Variants in MYO9A observed in about 807,000 individuals in gnomAD.
The protein encoded by MYO9A is myosin IXA.
MYO9A carries 103 observed loss-of-function variants against 293.3 expected under a neutral mutation model. The observed-to-expected ratio is 0.35, with a 90% CI of 0.30 to 0.41. MYO9A has a LOEUF of 0.41. Ranked by LOEUF, MYO9A falls within the 10% of genes least tolerant of loss-of-function variation. The pLI is 1.00. For synonymous variants in MYO9A, 1,001 were observed against 1,035.7 expected (o/e 0.97, Z 0.64); for missense variants, 2,685 against 3,033.0 (o/e 0.89, Z 2.69).
intron 11 of MYO9A, among the ~76,000 whole-genome samples, chr15:71,990,028 T>TA (rs2076499181): frequency 6.6e-6 from 1 of 150,636 alleles, no homozygotes; most frequent in African/African-American, 2.4e-5. Flanking sequence ...GACCCATCTC[T>TA]AAAAAAACAC....
chr15:71,827,739 T>C lies in MYO9A; in HGVS notation c.7183+145A>G, dbSNP rs1475072141. ...CCAAACGATGAAGGCTAAAATTATA[T>C]GGATAAAAGGACAAAATTCCTCAAG... On this transcript the variant is annotated intron_variant, in intron 41 of 41. Coordinates refer to ENST00000356056, the MANE Select transcript of MYO9A (RefSeq NM_006901.4). 5.7e-6 allele frequency: 5 copies of C among 879,602 alleles called. No homozygotes were observed. The East Asian group carries it at 8.0e-5, about 14-fold the overall frequency. The allele number at this position is 879,602 out of a possible 1,614,324, so 54.5% of individuals were successfully genotyped here.
intron 29 of MYO9A, 103 bp downstream of exon 29, chr15:71,880,232 T>C (rs929603751): frequency 3.1e-6 from 3 of 982,308 alleles, no homozygotes; most frequent in Non-Finnish European, 4.6e-6. Flanking sequence ...ATCTAAAGCA[T>C]GGAAGCATAT....
At position 71,991,112 on chromosome 15, in the gene MYO9A, T is replaced by C; in HGVS notation, c.1713A>G (p.Lys571=). 6.2e-7 allele frequency: 1 copy of C among 1,600,498 alleles called. No individual in the cohort carries two copies. The highest frequency in any genetic ancestry group is 8.5e-7 in the Non-Finnish European group (1 of 1,174,520). ...LQHYFNQHIF[K]LEQEEYRTEG... ...ATATTTAGGTACTCACTTGTTCCAA[T>C]TTAAAGATATGCTGATTAAAGTAGT... The change falls in exon 11 of 42, where the codon AAA becomes AAG. Residue 571 remains lysine (K), a synonymous_variant. Coordinates refer to ENST00000356056, the MANE Select transcript of MYO9A (RefSeq NM_006901.4).
intron 32 of MYO9A, among the ~76,000 whole-genome samples, chr15:71,862,880 A>ACAT (rs952037603): frequency 1.3e-5 from 2 of 151,980 alleles, no homozygotes; most frequent in Non-Finnish European, 2.9e-5. Context: ...CTCTAATGTT[A>ACAT]CATTAAAAGC....
At chr15:71,862,682 C>T (rs1314317226) in intron 32 of MYO9A, 71 bp from the exon 33 acceptor site, 12 of 959,560 alleles carry the variant, frequency 1.3e-5, no homozygotes, top group Non-Finnish European at 2.0e-5. Flanking sequence ...GGTGGGAAAT[C>T]CTTCAATCTC....
chr15:71,923,153 T>G (rs538191325), intron 18 of MYO9A, among the ~76,000 whole-genome samples: 1 of 152,234 alleles, frequency 6.6e-6, no homozygotes, highest in East Asian at 1.9e-4. Context: ...ATTTTTTCCC[T>G]TAATTCTGTT....
intron 15 of MYO9A, 31 bp from the exon 16 acceptor site, chr15:71,938,958 A>T: frequency 6.6e-7 from 1 of 1,519,238 alleles, no homozygotes; most frequent in Non-Finnish European, 9.0e-7. Flanking sequence ...GAAAATTTCA[A>T]ATCAGTGCAA....
At chr15:72,095,572 G>A (rs2080038360) in intron 1 of MYO9A, among the ~76,000 whole-genome samples, 1 of 93,156 alleles carries the variant, frequency 1.1e-5, no homozygotes, top group African/African-American at 2.6e-5. Context: ...AATTGATGAA[G>A]GTGGCTACAC....
chr15:72,117,956 G>A lies in MYO9A; in HGVS notation c.-348C>T, dbSNP rs1029337960. The A allele has an allele frequency of 1.4e-4, 57 of 400,972 alleles. No homozygotes were observed. Among genetic ancestry groups the A allele is most frequent in the African/African-American group, 1.0e-3 (49 of 48,748 alleles). The allele number at this position is 400,972 out of a possible 1,614,324, so 24.8% of individuals were successfully genotyped here. ...GCGTTGGACCGCCGCCTCAACCGCT[G>A]CCAGCGGCCGCCTCTGCCGGTGCAA... is the stretch of plus-strand genomic sequence containing the variant. On this transcript the variant is annotated 5_prime_UTR_variant, in exon 1 of 42. Transcript: ENST00000356056.
chr15:71,972,856 G>A (rs1007009914), intron 12 of MYO9A, among the ~76,000 whole-genome samples: 3 of 152,072 alleles, frequency 2.0e-5, no homozygotes, highest in Non-Finnish European at 2.9e-5. Context: ...GGTTATTAAA[G>A]GTAAAAGTTA....
chr15:72,003,715 A>T (rs1363013190), intron 8 of MYO9A, among the ~76,000 whole-genome samples: 2 of 151,954 alleles, frequency 1.3e-5, no homozygotes, highest in Non-Finnish European at 2.9e-5. Context: ...AAAAAAAAAA[A>T]AAAAAATAAG....
At chr15:71,906,416 C>G (rs1382170833) in intron 19 of MYO9A, among the ~76,000 whole-genome samples, 1 of 152,108 alleles carries the variant, frequency 6.6e-6, no homozygotes, top group Non-Finnish European at 1.5e-5. Flanking sequence ...CTGAAGTTTC[C>G]AAGCATAACT....
intron 1 of MYO9A, among the ~76,000 whole-genome samples, chr15:72,100,235 A>T (rs923284616): frequency 9.2e-5 from 14 of 152,264 alleles, no homozygotes; most frequent in African/African-American, 3.1e-4. Flanking sequence ...TAGAAAAATT[A>T]GACAGGTGTG....
rs995389061 is a variant in MYO9A at position 71,848,886 on chromosome 15, T to A, written c.6796A>T (p.Asn2266Tyr). The change falls in exon 39 of 42, where the codon AAT becomes TAT. Residue 2266 changes from asparagine to tyrosine, a missense_variant. This residue lies in a region of MYO9A where 7 missense variants were observed against 28.9 expected (regional missense o/e 0.24). Transcript: ENST00000356056. Reference protein sequence around the residue: ...KDISSLEFAENKAKTRLSLIR... With the variant: ...KDISSLEFAEYKAKTRLSLIR... ...AGTGACAACCTGGTCTTTGCCTTAT[T>A]CTCAGCAAATTCCAAGCTACTGATA... is the stretch of plus-strand genomic sequence containing the variant. 3.9e-5 allele frequency: 63 copies of A among 1,612,670 alleles called. No individual in the cohort carries two copies. The highest frequency in any genetic ancestry group is 5.3e-5 in the Non-Finnish European group (63 of 1,179,710).
chr15:71,880,243 G>T, intron 29 of MYO9A, 92 bp downstream of exon 29: 1 of 1,091,042 alleles, frequency 9.2e-7, no homozygotes, highest in Non-Finnish European at 1.4e-6. Context: ...GGAAGCATAT[G>T]TAATTTTGAT....
chr15:72,074,318 G>C (rs918828840), intron 1 of MYO9A, among the ~76,000 whole-genome samples: 1 of 151,836 alleles, frequency 6.6e-6, no homozygotes, highest in African/African-American at 2.4e-5. Context: ...GAATTTAAAG[G>C]TCACAAGGGA....
At chr15:71,910,324 CCTA>C (rs1448554086) in intron 19 of MYO9A, among the ~76,000 whole-genome samples, 2 of 151,402 alleles carry the variant, frequency 1.3e-5, no homozygotes, top group South Asian at 4.2e-4. Context: ...GTTAATTTTA[CCTA>C]CTATTAAAGT....
intron 15 of MYO9A, among the ~76,000 whole-genome samples, chr15:71,949,490 A>T (rs150248643): frequency 6.7e-6 from 1 of 148,570 alleles, no homozygotes; most frequent in Non-Finnish European, 1.5e-5. Context: ...CGACCCCTTT[A>T]TCTCTCATTT....
At chr15:71,832,981 T>C (rs865923557) in intron 39 of MYO9A, among the ~76,000 whole-genome samples, 6 of 150,758 alleles carry the variant, frequency 4.0e-5, no homozygotes, top group Middle Eastern at 3.5e-3. Context: ...ACTAAAATAA[T>C]AGTAAAAGAG....
Sources: gnomAD v4.1 joint callset for allele counts (sites outside exome capture counted in the v4.1 genomes callset) on GRCh38, gnomAD v4.1.1 for gene constraint, gnomAD v4.1.1 regional missense constraint, MANE v1.5 for transcripts, NCBI Gene and HGNC (gene_info 2026-07-23, HGNC 2026-07-21) for gene names.